Variants in FH observed in about 807,000 individuals in gnomAD.
FH encodes fumarate hydratase, mitochondrial.
In FH, 22 loss-of-function variants were observed where a neutral mutation model predicts 49.4. That is an observed-to-expected ratio of 0.45 (90% CI 0.32 to 0.64). The LOEUF (loss-of-function observed/expected upper bound fraction) is 0.64, where lower values mean the gene tolerates loss of function less well. Ranked by LOEUF, FH falls within the 30% of genes least tolerant of loss-of-function variation. FH has a pLI of 0.05. For synonymous variants in FH, 208 were observed against 223.0 expected, an observed-to-expected ratio of 0.93 and a Z score of 0.60; for missense variants, 526 against 641.5, an observed-to-expected ratio of 0.82 and a Z score of 1.95.
chr1:241,519,529 C>A lies in FH; in HGVS notation c.132+62G>T, dbSNP rs112066700. On this transcript the variant is annotated intron_variant, in intron 1 of 9. Transcript: ENST00000366560. ...TCCCGCCAAGTCGCGGGCGCCCAGG[C>A]CGGCAGGCAGGAGGGCTGAAGGTCA... The A allele has an allele frequency of 4.6e-5, 69 of 1,514,136 alleles. 1 individual carries two copies. In the African/African-American group the frequency reaches 9.0e-4, roughly 20 times the overall value. 93.8% of individuals were successfully genotyped at this position (1,514,136 alleles called of 1,614,324 possible).
chr1:241,513,590 TA>T lies in FH; in HGVS notation c.378+12del, dbSNP rs772858528. 6.3e-7 allele frequency: 1 copy of T among 1,585,926 alleles called. No individual in the cohort carries two copies. Among genetic ancestry groups the T allele is most frequent in the Non-Finnish European group, 8.7e-7 (1 of 1,154,414 alleles). The stretch of plus-strand genomic sequence containing the variant: ...TCTGAGGTTATTAAGCAAACACACT[TA>T]TCACCTCCTACCTCATCTGCTGCCT... On this transcript the variant is annotated intron_variant, in intron 3 of 9. Transcript: ENST00000366560.
intron 1 of FH, 81 bp from the exon 2 acceptor site, chr1:241,517,397 G>C: frequency 6.7e-7 from 1 of 1,496,570 alleles, no homozygotes; most frequent in South Asian, 1.1e-5. Context: ...AGCTGTTAAA[G>C]AGAAAGAAAC....
rs780370447 is a variant in FH, at chr1:241,504,912, CT to C, written c.905-668del. On this transcript the variant is annotated intron_variant, in intron 6 of 9. Transcript: ENST00000366560. ...ACACTCCTTTCCTAATACCTTTTTT[CT>C]TTTTTTTTTTTTTGAGACAGAGTCT... Among the ~76,000 whole-genome samples, 1,041 of 138,360 alleles carry C rather than the reference CT, an allele frequency of 7.5e-3. 8 individuals carry two copies. Among genetic ancestry groups the C allele is most frequent in the African/African-American group, 0.02 (773 of 38,024 alleles). The allele number at this position is 138,360 out of a possible 152,430, so 90.8% of individuals were successfully genotyped here.
intron 9 of FH, among the ~76,000 whole-genome samples, chr1:241,498,578 A>C (rs984956066): frequency 2.6e-5 from 4 of 151,186 alleles, no homozygotes; most frequent in African/African-American, 9.7e-5. Flanking sequence ...ACAAATAGGG[A>C]GTCTGGGCAG....
chr1:241,513,834 T>C (rs1018531801), intron 2 of FH, 121 bp from the exon 3 acceptor site: 11 of 732,218 alleles, frequency 1.5e-5, no homozygotes, highest in Non-Finnish European at 2.6e-5. Flanking sequence ...ACACTATAGC[T>C]CTAAAATGTT....
At chr1:241,503,213 G>A (rs1206865810) in intron 7 of FH, among the ~76,000 whole-genome samples, 1 of 152,060 alleles carries the variant, frequency 6.6e-6, no homozygotes, top group Non-Finnish European at 1.5e-5. Flanking sequence ...CTTTCTTTTG[G>A]CAATCACCCT....
chr1:241,517,733 A>G (rs1182477367), intron 1 of FH, among the ~76,000 whole-genome samples: 1 of 152,062 alleles, frequency 6.6e-6, no homozygotes, highest in Non-Finnish European at 1.5e-5. Context: ...TTATATATAA[A>G]CATTATTCAC....
rs375878939 is a variant in FH at position 241,511,988 on chromosome 1, G to A, written c.534C>T (p.Asn178=). 2.9e-5 allele frequency: 47 copies of A among 1,613,732 alleles called. No homozygotes were observed. The highest frequency in any genetic ancestry group is 3.5e-5 in the Non-Finnish European group (41 of 1,179,904). The part of the protein sequence containing the change: ...ELGSKIPVHP[N]DHVNKSQSSN... ...TGACCTGGCTTTTATTAACATGATC[G>A]TTGGGATGCACAGGTATCTTGCTGC... Residue 178 remains asparagine, a synonymous_variant, in exon 4 of 10, where the codon AAC becomes AAT. Transcript: ENST00000366560.
rs766915154 is a variant in FH, at chr1:241,519,697, G to A, written c.26C>T (p.Ala9Val). 2 of 1,546,730 alleles carry A rather than the reference G, an allele frequency of 1.3e-6. No homozygotes were observed. Among genetic ancestry groups the A allele is most frequent in the African/African-American group, 1.4e-5 (1 of 72,814 alleles). MYRALRLL[A>V]RSRPLVRAPA... ...AGCCCGCACGAGGGGACGCGAGCGC[G>A]CGAGGAGCCGAAGTGCTCGGTACAT... is the stretch of plus-strand genomic sequence containing the variant. Residue 9 changes from alanine to valine, a missense_variant, in exon 1 of 10, where the codon GCG becomes GTG. Physicochemically the swap from Ala to Val is moderately conservative, Grantham distance 64. This residue lies in a region of FH where 143 missense variants were observed against 127.5 expected (regional missense o/e 1.12). Coordinates refer to ENST00000366560, the MANE Select transcript of FH (RefSeq NM_000143.4).
At chr1:241,512,240 T>A in intron 3 of FH, 97 bp from the exon 4 acceptor site, 1 of 1,028,306 alleles carries the variant, frequency 9.7e-7, no homozygotes, top group Non-Finnish European at 1.5e-6. Context: ...TATCTAAGCT[T>A]CTGAAGCATC....
At chr1:241,500,006 T>C (rs1200553713) in intron 9 of FH, among the ~76,000 whole-genome samples, 1 of 152,200 alleles carries the variant, frequency 6.6e-6, no homozygotes, top group Non-Finnish European at 1.5e-5. Context: ...CATTTCTGAA[T>C]TGAATAAAAC....
chr1:241,505,932 A>G, intron 6 of FH, 71 bp downstream of exon 6: 1 of 1,354,004 alleles, frequency 7.4e-7, no homozygotes, highest in East Asian at 2.3e-5. Flanking sequence ...TCAAGACAGG[A>G]ACACTCAGAA....
At position 241,497,881 on chromosome 1, in the gene FH, C is replaced by T. The variant is rs1553340508; in HGVS notation, c.1480G>A (p.Ala494Thr). 1.2e-6 allele frequency: 2 copies of T among 1,613,236 alleles called. No individual in the cohort carries two copies. The highest frequency in any genetic ancestry group is 1.7e-6 in the Non-Finnish European group (2 of 1,179,928). ...ETAIELGYLTAEQFDEWVKPK... is the reference protein window; with the variant it reads ...ETAIELGYLTTEQFDEWVKPK... ...TTTACCCATTCGTCAAACTGCTCTG[C>T]TGTGAGATAGCCAAGTTCGATAGCA... is the stretch of plus-strand genomic sequence containing the variant. Residue 494 changes from alanine to threonine, a missense_variant, in exon 10 of 10, where the codon GCA (alanine) becomes ACA (threonine). By Grantham distance (58) the Ala-to-Thr change is moderately conservative. Transcript: ENST00000366560.
Position 241,507,704 on chromosome 1 carries a change from C to G in FH, c.738+899G>C, listed in dbSNP as rs115188447. ...AAATATTCAAAAGTTTCAAAACATA[C>G]ATACTGTTCCTCCTTAGAAATTATG... On this transcript the variant is annotated intron_variant, in intron 5 of 9. Transcript: ENST00000366560. Among the ~76,000 whole-genome samples, 766 of 152,268 alleles carry G rather than the reference C, an allele frequency of 5.0e-3. 10 individuals are homozygous for G. Among genetic ancestry groups the G allele is most frequent in the African/African-American group, 0.017 (720 of 41,550 alleles).
chr1:241,498,724 T>C (rs1659690815), intron 9 of FH, among the ~76,000 whole-genome samples: 1 of 103,294 alleles, frequency 9.7e-6, no homozygotes, highest in Admixed American at 1.1e-4. Context: ...TATATATATA[T>C]ATATATATAT....
intron 2 of FH, among the ~76,000 whole-genome samples, chr1:241,514,025 A>G (rs1437546855): frequency 6.6e-6 from 1 of 152,218 alleles, no homozygotes; most frequent in Admixed American, 6.5e-5. Context: ...ATGCACAAAT[A>G]CACACAATAA....
rs1659919363 is a variant in FH at position 241,506,007 on chromosome 1, A to T, written c.900T>A (p.Leu300=). 1 of 1,613,882 alleles carries T rather than the reference A, an allele frequency of 6.2e-7. No individual in the cohort carries two copies. Among genetic ancestry groups the T allele is most frequent in the Non-Finnish European group, 8.5e-7 (1 of 1,179,802 alleles). Residue 300 remains leucine, a synonymous_variant, in exon 6 of 10, where the codon CTT becomes CTA. Coordinates refer to ENST00000366560, the MANE Select transcript of FH (RefSeq NM_000143.4). Reference sequence around the variant, plus strand: ...ATAATTCACGTGATCACTAACCTGTAAGTGCAGCCACTTTTGCAGCAACCT... The same window carrying T: ...ATAATTCACGTGATCACTAACCTGTTAGTGCAGCCACTTTTGCAGCAACCT... ...AEKVAAKVAA[L]TGLPFVTAPN...
chr1:241,505,464 C>T (rs1475247063), intron 6 of FH, among the ~76,000 whole-genome samples: 1 of 152,150 alleles, frequency 6.6e-6, no homozygotes, highest in Admixed American at 6.5e-5. Context: ...TATCTCTACC[C>T]TAACCGTCTG....
chr1:241,499,094 T>C (rs1444035339), intron 9 of FH, among the ~76,000 whole-genome samples: 1 of 152,154 alleles, frequency 6.6e-6, no homozygotes, highest in East Asian at 1.9e-4. Flanking sequence ...AGTACTTTTA[T>C]TTTAATAATG....
Sources: allele counts gnomAD v4.1 joint callset (sites outside exome capture counted in the v4.1 genomes callset), GRCh38; gene constraint gnomAD v4.1.1; regional missense constraint gnomAD v4.1.1; transcripts MANE v1.5; gene names NCBI Gene and HGNC (gene_info 2026-07-23, HGNC 2026-07-21).